The following ASPRV1 variants were observed in gnomAD, a reference collection of about 807,000 sequenced individuals.
ASPRV1 encodes retroviral-like aspartic protease 1.
ASPRV1 carries 7 observed loss-of-function variants against 11.0 expected under a neutral mutation model. The ratio of observed to expected loss-of-function variants is 0.64; its 90% CI spans 0.36 to 1.20. The LOEUF is 1.20. Among genes scored for constraint, ASPRV1 ranks in the 50% most tolerant of loss-of-function variants. The pLI, the probability that ASPRV1 is intolerant of heterozygous loss-of-function variation, is 0.02. For missense variants in ASPRV1, 299 were observed against 320.0 expected, an observed-to-expected ratio of 0.93 and a Z score of 0.50; for synonymous variants, 136 against 138.4, an observed-to-expected ratio of 0.98 and a Z score of 0.12.
the ASPRV1 span, among the ~76,000 whole-genome samples, chr2:69,984,041 A>AT: frequency 6.6e-6 from 1 of 152,036 alleles, no homozygotes; most frequent in East Asian, 1.9e-4. Flanking sequence ...AGGAGGTTTT[A>AT]TTTTTATTTT....
chr2:70,013,515 TAAAG>T, the ASPRV1 span, among the ~76,000 whole-genome samples: 3 of 152,154 alleles, frequency 2.0e-5, no homozygotes, highest in Non-Finnish European at 2.9e-5. Context: ...AGCCAAACAT[TAAAG>T]AGAGTTGCAA....
chr2:70,064,348 T>C, the ASPRV1 span, among the ~76,000 whole-genome samples: 1 of 152,154 alleles, frequency 6.6e-6, no homozygotes, highest in South Asian at 2.1e-4. Context: ...CCACTGCTGA[T>C]AAGCTTTGAC....
chr2:70,033,496 C>T, the ASPRV1 span, among the ~76,000 whole-genome samples: 40 of 152,182 alleles, frequency 2.6e-4, no homozygotes, highest in Admixed American at 4.6e-4. Context: ...CTTAGCTCTC[C>T]ACTCCCTTTT....
chr2:70,080,509 G>A, the ASPRV1 span, among the ~76,000 whole-genome samples: 1 of 152,180 alleles, frequency 6.6e-6, no homozygotes, highest in Admixed American at 6.5e-5. Flanking sequence ...TTACAGGCGT[G>A]AGCCACTGTG....
the ASPRV1 span, among the ~76,000 whole-genome samples, chr2:70,068,287 C>G: frequency 2.0e-5 from 3 of 152,192 alleles, no homozygotes; most frequent in Admixed American, 6.5e-5. Context: ...GGAGGCAGCT[C>G]TGGAGTGCTG....
chr2:69,939,356 G>C, the ASPRV1 span: 12 of 152,712 alleles, frequency 7.9e-5, no homozygotes, highest in East Asian at 2.3e-3. Flanking sequence ...GACACACCCA[G>C]AAACTTCTTT....
chr2:70,050,622 T>C, the ASPRV1 span: 6 of 152,152 alleles, frequency 3.9e-5, no homozygotes, highest in Non-Finnish European at 7.4e-5. Flanking sequence ...AGTCGACATG[T>C]TAACTCTTAC....
the ASPRV1 span, among the ~76,000 whole-genome samples, chr2:69,937,894 G>A: frequency 5.9e-5 from 9 of 151,842 alleles, no homozygotes; most frequent in African/African-American, 1.7e-4. Flanking sequence ...GATTACAGGC[G>A]TGAGCCACCA....
the ASPRV1 span, among the ~76,000 whole-genome samples, chr2:70,061,160 C>T: frequency 6.6e-6 from 1 of 151,962 alleles, no homozygotes; most frequent in African/African-American, 2.4e-5. Flanking sequence ...CTTTGGGAGG[C>T]CGAGGCAGGT....
the ASPRV1 span, chr2:70,085,839 T>TC: frequency 1.3e-5 from 2 of 152,246 alleles, no homozygotes; most frequent in Non-Finnish European, 2.9e-5. Flanking sequence ...TATGAAAAAG[T>TC]CAGAGGCACT....
At chr2:69,968,596 A>C in the ASPRV1 span, 4 of 152,276 alleles carry the variant, frequency 2.6e-5, no homozygotes, top group Admixed American at 1.3e-4. Flanking sequence ...TTAAAGCTAG[A>C]AAATAGATCT....
At chr2:69,971,643 C>T in the ASPRV1 span, among the ~76,000 whole-genome samples, 2 of 152,332 alleles carry the variant, frequency 1.3e-5, no homozygotes, top group Admixed American at 6.5e-5. Flanking sequence ...GTGCGGGGTG[C>T]TAAGAGCATC....
the ASPRV1 span, among the ~76,000 whole-genome samples, chr2:69,969,535 C>G: frequency 1.3e-5 from 2 of 152,154 alleles, no homozygotes; most frequent in Admixed American, 1.3e-4. Flanking sequence ...GTTCCTCTCT[C>G]CCTGGATACT....
At chr2:69,948,682 A>C in the ASPRV1 span, among the ~76,000 whole-genome samples, 3 of 152,136 alleles carry the variant, frequency 2.0e-5, no homozygotes, top group Non-Finnish European at 2.9e-5. Context: ...CTTTGGTCTC[A>C]GGAAGAGGCC....
the ASPRV1 span, among the ~76,000 whole-genome samples, chr2:69,982,532 G>A: frequency 6.6e-6 from 1 of 152,166 alleles, no homozygotes; most frequent in African/African-American, 2.4e-5. Flanking sequence ...TGGCCATATG[G>A]GTAGCTGAAA....
At chr2:70,063,788 G>A in the ASPRV1 span, 1 of 152,234 alleles carries the variant, frequency 6.6e-6, no homozygotes, top group East Asian at 1.9e-4. Flanking sequence ...TAATCCAAAA[G>A]CTGGTTCCAA....
upstream of ASPRV1, among the ~76,000 whole-genome samples, chr2:69,963,905 G>A (rs553181733): frequency 3.9e-5 from 6 of 152,298 alleles, no homozygotes; most frequent in South Asian, 6.2e-4. Context: ...CATAGGCGCC[G>A]GGGGCAGGGG....
At chr2:70,002,333 T>G in the ASPRV1 span, among the ~76,000 whole-genome samples, 253 of 152,328 alleles carry the variant, frequency 1.7e-3, no homozygotes, top group Non-Finnish European at 3.2e-3. Context: ...TTTGCTGTGG[T>G]AAGACTGGGT....
chr2:70,056,266 T>C, the ASPRV1 span: 2 of 152,178 alleles, frequency 1.3e-5, no homozygotes, highest in African/African-American at 2.4e-5. Flanking sequence ...GGAGATCTGC[T>C]GCACAAAATG....
Sources: gnomAD v4.1 joint callset for allele counts (sites outside exome capture counted in the v4.1 genomes callset) on GRCh38, gnomAD v4.1.1 for gene constraint, MANE v1.5 for transcripts, NCBI Gene and HGNC (gene_info 2026-07-23, HGNC 2026-07-21) for gene names.